NOP58: variants seen among roughly 807,000 people sequenced by gnomAD.
The protein encoded by NOP58 is NOP58 ribonucleoprotein, also known as nucleolar protein 58.
NOP58 carries 44 observed loss-of-function variants against 71.2 expected under a neutral mutation model. The ratio of observed to expected loss-of-function variants is 0.62; its 90% CI spans 0.49 to 0.79. The LOEUF is 0.79. Ranked by LOEUF, NOP58 falls within the 30% of genes least tolerant of loss-of-function variation. NOP58 has a pLI of 0.00. For synonymous variants in NOP58, 228 were observed against 200.3 expected (o/e 1.14, Z -1.17); for missense variants, 538 against 620.2 (o/e 0.87, Z 1.41).
At chr2:202,295,136 CTA>C (rs1688970417) in intron 9 of NOP58, among the ~76,000 whole-genome samples, 1 of 152,072 alleles carries the variant, frequency 6.6e-6, no homozygotes, top group Non-Finnish European at 1.5e-5. Flanking sequence ...AACTTAGGAA[CTA>C]TTTATTTCTG....
chr2:202,290,599 G>T, intron 7 of NOP58, 142 bp downstream of exon 7: 1 of 692,418 alleles, frequency 1.4e-6, no homozygotes, highest in South Asian at 1.9e-5. Flanking sequence ...GCAGTTTAGT[G>T]TCTTAAATTT....
rs140598668 is a variant in NOP58, at chr2:202,271,931, G to A, written c.46-3182G>A. On this transcript the variant is annotated intron_variant, in intron 1 of 14. Coordinates refer to ENST00000264279, the MANE Select transcript of NOP58 (RefSeq NM_015934.5). ...TCCACTCCAGCCTGGACAACAAAGC[G>A]AGACCCTGTCTCTGGAAAAACAACA... Among the ~76,000 whole-genome samples, 58 of 152,206 alleles carry A rather than the reference G, an allele frequency of 3.8e-4. 1 individual carries two copies. The highest frequency in any genetic ancestry group is 9.7e-4 in the East Asian group (5 of 5,180).
At chr2:202,300,849 G>A (rs1023351283) in intron 13 of NOP58, among the ~76,000 whole-genome samples, 2 of 152,132 alleles carry the variant, frequency 1.3e-5, no homozygotes, top group Non-Finnish European at 2.9e-5. Context: ...TTGTGAAGTT[G>A]ATAAGCAGGC....
chr2:202,284,731 C>A (rs2105846098), intron 5 of NOP58: 1 of 396,142 alleles, frequency 2.5e-6, no homozygotes, highest in Non-Finnish European at 4.5e-6. Context: ...AAAACCTCAT[C>A]AAAGGAATTC....
chr2:202,286,181 CAA>C (rs1008544993), intron 5 of NOP58, among the ~76,000 whole-genome samples: 19 of 45,616 alleles, frequency 4.2e-4, no homozygotes, highest in East Asian at 6.7e-4. Flanking sequence ...GACTCCATCT[CAA>C]AAAAAAAAAA....
At chr2:202,288,502 A>G (rs1450217744) in intron 6 of NOP58, among the ~76,000 whole-genome samples, 1 of 151,362 alleles carries the variant, frequency 6.6e-6, no homozygotes. Context: ...AAAAAAAAAA[A>G]ATCAAAATCT....
chr2:202,274,630 T>C (rs1316711106), intron 1 of NOP58, among the ~76,000 whole-genome samples: 1 of 152,006 alleles, frequency 6.6e-6, no homozygotes, highest in African/African-American at 2.4e-5. Context: ...GGTGCAGTGG[T>C]GCACACCTGT....
At chr2:202,298,002 T>C in intron 12 of NOP58, 96 bp downstream of exon 12, 1 of 740,148 alleles carries the variant, frequency 1.4e-6, no homozygotes, top group Non-Finnish European at 2.1e-6. Context: ...GATGTGCCCA[T>C]AGTTTTTTCA....
rs1485823687 is a variant in NOP58, at chr2:202,265,786, G to T, written c.-156G>T. On this transcript the variant is annotated 5_prime_UTR_variant, in exon 1 of 15. Transcript: ENST00000264279. ...TCCTAGTTCCAGTACAGCGTGGAGG[G>T]TTTAGGCAGCGTGTTCTGATTCTTT... 4.0e-6 allele frequency: 3 copies of T among 751,558 alleles called. No individual in the cohort carries two copies. Among genetic ancestry groups the T allele is most frequent in the East Asian group, 2.5e-5 (1 of 40,202 alleles). The allele number at this position is 751,558 out of a possible 1,614,324, so 46.6% of individuals were successfully genotyped here. A position where few individuals can be genotyped will look rare whatever the true frequency, so the allele number is the denominator to read the frequency against.
At chr2:202,273,584 A>G (rs969807149) in intron 1 of NOP58, among the ~76,000 whole-genome samples, 9 of 152,244 alleles carry the variant, frequency 5.9e-5, no homozygotes, top group African/African-American at 1.2e-4. Context: ...ACAAGTCTTT[A>G]TATTTTATAG....
At chr2:202,282,324 G>A (rs1245038505) in intron 3 of NOP58, 27 bp from the exon 4 acceptor site, 4 of 1,583,870 alleles carry the variant, frequency 2.5e-6, no homozygotes, top group Middle Eastern at 1.8e-4. Flanking sequence ...GAGAGTTAAT[G>A]CTTTTGTTTT....
chr2:202,284,301 GTCTT>G (rs750998685), intron 4 of NOP58, 40 bp from the exon 5 acceptor site: 188 of 1,426,258 alleles, frequency 1.3e-4, no homozygotes, highest in Non-Finnish European at 1.7e-4. Context: ...CTTCAGGAAA[GTCTT>G]TTTTTTTTTA....
intron 7 of NOP58, 89 bp downstream of exon 7, chr2:202,290,546 G>A: frequency 1.7e-6 from 2 of 1,190,506 alleles, no homozygotes; most frequent in Non-Finnish European, 2.3e-6. Context: ...TGTTAAGCAA[G>A]ATTCCCAGGG....
At chr2:202,288,526 A>G (rs1688830350) in intron 6 of NOP58, among the ~76,000 whole-genome samples, 1 of 150,436 alleles carries the variant, frequency 6.6e-6, no homozygotes, top group African/African-American at 2.5e-5. Flanking sequence ...TCGTTTTTCT[A>G]TTTTAGAAAT....
intron 2 of NOP58, chr2:202,276,411 G>A (rs1455427244): frequency 6.1e-6 from 3 of 495,150 alleles, no homozygotes; most frequent in African/African-American, 1.9e-5. Flanking sequence ...AGGGTTATAT[G>A]CTTTGTTGGG....
At chr2:202,274,981 C>A in intron 1 of NOP58, 132 bp from the exon 2 acceptor site, 2 of 554,480 alleles carry the variant, frequency 3.6e-6, no homozygotes, top group South Asian at 2.4e-5. Context: ...GGTAAGAAAA[C>A]TAGTTCATTA....
At chr2:202,301,007 C>G (rs1052876862) in intron 13 of NOP58, among the ~76,000 whole-genome samples, 1 of 152,144 alleles carries the variant, frequency 6.6e-6, no homozygotes, top group South Asian at 2.1e-4. Context: ...GGATAGTATA[C>G]TTGATAGAGA....
chr2:202,292,714 A>T, intron 8 of NOP58, 63 bp from the exon 9 acceptor site: 2 of 1,385,408 alleles, frequency 1.4e-6, no homozygotes, highest in Non-Finnish European at 2.1e-6. Context: ...AGTGTTTTAG[A>T]CAGGAATTTT....
chr2:202,297,349 G>A (rs559508935), intron 10 of NOP58, 30 bp from the exon 11 acceptor site: 4 of 1,596,066 alleles, frequency 2.5e-6, no homozygotes, highest in Middle Eastern at 1.7e-4. Context: ...ATCTGAACAT[G>A]GAATATAGTT....
Sources: allele counts gnomAD v4.1 joint callset (sites outside exome capture counted in the v4.1 genomes callset), GRCh38; gene constraint gnomAD v4.1.1; transcripts MANE v1.5; gene names NCBI Gene and HGNC (gene_info 2026-07-23, HGNC 2026-07-21).